Variants in SERPINB6 observed in about 807,000 individuals in gnomAD.
The protein encoded by SERPINB6 is serpin family B member 6, also known as serpin B6.
SERPINB6 carries 16 observed loss-of-function variants against 26.1 expected under a neutral mutation model. The observed-to-expected ratio is 0.61, with a 90% CI of 0.42 to 0.93. The LOEUF (loss-of-function observed/expected upper bound fraction) is 0.93, where lower values mean the gene tolerates loss of function less well. Among genes scored for constraint, SERPINB6 ranks in the 40% least tolerant of loss-of-function variants. SERPINB6 has a pLI of 0.00. For missense variants in SERPINB6, 420 were observed against 478.0 expected (o/e 0.88, Z 1.13); for synonymous variants, 174 against 176.6 (o/e 0.99, Z 0.11).
intron 4 of SERPINB6, among the ~76,000 whole-genome samples, chr6:2,953,872 A>T (rs150560137): frequency 6.6e-6 from 1 of 152,182 alleles, no homozygotes; most frequent in African/African-American, 2.4e-5. Flanking sequence ...CTACTAAAAA[A>T]TACAAAAATT....
In SERPINB6 at chr6:2,948,296, C is replaced by A; in HGVS notation, c.*2G>T. 6.2e-7 allele frequency: 1 copy of A among 1,613,362 alleles called. No individual in the cohort carries two copies. Among genetic ancestry groups the A allele is most frequent in the Non-Finnish European group, 8.5e-7 (1 of 1,179,964 alleles). ...GGGCTGCACACCAAGACTGCCCTGTCCTCACGGAGAGGAAAAGCGGCCGCA... is the reference window on the plus strand; with the variant it reads ...GGGCTGCACACCAAGACTGCCCTGTACTCACGGAGAGGAAAAGCGGCCGCA... On this transcript the variant is annotated 3_prime_UTR_variant, in exon 7 of 7. Transcript: ENST00000380539. This position sits in a 1 kb window ranked among gnomAD's most constrained non-coding sequence, Gnocchi z 5.0.
Position 2,948,730 on chromosome 6 carries a change from C to T in SERPINB6, c.730-31G>A. 1.2e-6 allele frequency: 2 copies of T among 1,609,532 alleles called. No individual in the cohort carries two copies. Among genetic ancestry groups the T allele is most frequent in the Non-Finnish European group, 1.7e-6 (2 of 1,176,042 alleles). On this transcript the variant is annotated intron_variant, in intron 6 of 6. Coordinates refer to ENST00000380539, the MANE Select transcript of SERPINB6 (RefSeq NM_004568.6). This position sits in a 1 kb window ranked among gnomAD's most constrained non-coding sequence, Gnocchi z 5.0. ...GGGAGACAGTTGAAGACTTTAAGACCCAGGGTGCTGCTGCCCAGCAGGGCC... is the reference window on the plus strand; with the variant it reads ...GGGAGACAGTTGAAGACTTTAAGACTCAGGGTGCTGCTGCCCAGCAGGGCC...
chr6:2,967,151 C>T lies in SERPINB6; in HGVS notation c.-11+4382G>A, dbSNP rs370489132. ...CACCCCAAAGGTGACCAGTGCAGAG[C>T]TCCAGCCACCCAGACTCCTCGAGTT... On this transcript the variant is annotated intron_variant, in intron 1 of 6. Coordinates refer to ENST00000380539, the MANE Select transcript of SERPINB6 (RefSeq NM_004568.6). This position sits in a 1 kb window ranked among gnomAD's most constrained non-coding sequence, Gnocchi z 4.3. 1 of 985,328 alleles carries T rather than the reference C, an allele frequency of 1.0e-6. No individual in the cohort carries two copies. Among genetic ancestry groups the T allele is most frequent in the Non-Finnish European group, 1.2e-6 (1 of 829,854 alleles). The allele number at this position is 985,328 out of a possible 1,614,324, so 61.0% of individuals were successfully genotyped here. A position where few individuals can be genotyped will look rare whatever the true frequency, so the allele number is the denominator to read the frequency against.
Position 2,954,368 on chromosome 6 carries a change from C to T in SERPINB6, c.430+224G>A, listed in dbSNP as rs2295768. On this transcript the variant is annotated intron_variant, in intron 4 of 6. Coordinates refer to ENST00000380539, the MANE Select transcript of SERPINB6 (RefSeq NM_004568.6). ...GTATACCAAACACTGAAAGGCATCA[C>T]GGGTACACCAAGGAAACAGGGAGAA... Among the ~76,000 whole-genome samples the T allele has an allele frequency of 0.25, 37,817 of 152,102 alleles. 5,610 individuals carry two copies. Among genetic ancestry groups the T allele is most frequent in the Non-Finnish European group, 0.33 (22,689 of 67,970 alleles).
intron 1 of SERPINB6, chr6:2,969,535 A>G (rs1771937492): frequency 1.0e-5 from 10 of 985,278 alleles, no homozygotes; most frequent in Non-Finnish European, 1.2e-5. Context: ...TAACAAATCT[A>G]TCCTGGCATC....
rs1225064036 is a variant in SERPINB6, at chr6:2,955,642, C to T, written c.194G>A (p.Gly65Asp). Residue 65 changes from glycine to aspartate, a missense_variant, in exon 3 of 7, where the codon GGT becomes GAT. Gly to Asp is a moderately conservative substitution (Grantham distance 94, BLOSUM62 -1). Coordinates refer to ENST00000380539, the MANE Select transcript of SERPINB6 (RefSeq NM_004568.6). ...CTGGAAGCCCTGGTGGATGTCTCCA[C>T]CACCGCCACTTTTATTGAAAGAAAG... The part of the protein sequence containing the change: ...QILSFNKSGG[G>D]GDIHQGFQSL... 5.0e-6 allele frequency: 8 copies of T among 1,614,102 alleles called. No individual in the cohort carries two copies. Among genetic ancestry groups the T allele is most frequent in the Admixed American group, 1.7e-5 (1 of 60,010 alleles).
intron 1 of SERPINB6, chr6:2,963,271 A>G (rs76162551): frequency 6.6e-6 from 1 of 152,360 alleles, no homozygotes; most frequent in African/African-American, 2.4e-5. Context: ...TCAGAAAAAA[A>G]TATCACTTTT....
chr6:2,968,964 A>G, intron 1 of SERPINB6: 1 of 1,222,008 alleles, frequency 8.2e-7, no homozygotes, highest in Non-Finnish European at 1.0e-6. Context: ...CTTCTACTGG[A>G]TCTGTAATCC....
At chr6:2,952,674 T>G (rs1316547568) in intron 5 of SERPINB6, among the ~76,000 whole-genome samples, 2 of 152,246 alleles carry the variant, frequency 1.3e-5, no homozygotes, top group Non-Finnish European at 1.5e-5. Context: ...GTTCCGCTCC[T>G]GCAGTGTGGC....
Position 2,948,580 on chromosome 6 carries a change from C to G in SERPINB6, c.849G>C (p.Glu283Asp). Residue 283 changes from glutamate (E) to aspartate (D), a missense_variant, in exon 7 of 7, where the codon GAG becomes GAC. Transcript: ENST00000380539. The surrounding 1 kb of genome is among the most constrained non-coding windows in gnomAD (Gnocchi z 5.0). ...RFKLEESYDM[E>D]SVLRNLGMTD... ...TCATGCCCAGGTTGCGCAGGACACT[C>G]TCCATGTCGTAGCTTTCCTCTAGTT... The G allele has an allele frequency of 6.2e-7, 1 of 1,614,226 alleles. No individual in the cohort carries two copies.
chr6:2,959,473 T>G lies in SERPINB6; in HGVS notation c.-10-131A>C, dbSNP rs111259863. 522 of 894,852 alleles carry G rather than the reference T, an allele frequency of 5.8e-4. 2 individuals carry two copies. In the African/African-American group the frequency reaches 6.4e-3, roughly 11 times the overall value. The allele number at this position is 894,852 out of a possible 1,614,324, so 55.4% of individuals were successfully genotyped here. ...GCAGAAACACACACAGAACTCTGGCTGTTTCTTTTTAGGACCCTCCACATT... is the reference window on the plus strand; with the variant it reads ...GCAGAAACACACACAGAACTCTGGCGGTTTCTTTTTAGGACCCTCCACATT... On this transcript the variant is annotated intron_variant, in intron 1 of 6. Transcript: ENST00000380539.
At chr6:2,959,047 C>T (rs1055898210) in intron 2 of SERPINB6, 121 bp downstream of exon 2, 4 of 1,330,922 alleles carry the variant, frequency 3.0e-6, no homozygotes, top group Non-Finnish European at 4.2e-6. Flanking sequence ...CCTGTAAACT[C>T]GCCACCCACA....
chr6:2,962,238 G>A (rs926267232), intron 1 of SERPINB6: 7 of 984,430 alleles, frequency 7.1e-6, no homozygotes, highest in African/African-American at 5.2e-5. Flanking sequence ...AGGAGAAGTC[G>A]GTGCACATGA....
intron 1 of SERPINB6, chr6:2,960,391 G>A (rs1770962667): frequency 7.0e-6 from 1 of 142,192 alleles, no homozygotes; most frequent in South Asian, 2.3e-4. Context: ...GCAGAATCAG[G>A]TGAGAGGACA....
intron 1 of SERPINB6, chr6:2,970,456 C>T (rs1021806758): frequency 8.2e-6 from 9 of 1,093,212 alleles, no homozygotes; most frequent in Middle Eastern, 3.9e-4. Flanking sequence ...AATCCCAGCA[C>T]ACATAAAAGC....
intron 1 of SERPINB6, chr6:2,969,659 ACTT>A: frequency 1.0e-6 from 1 of 985,294 alleles, no homozygotes; most frequent in Non-Finnish European, 1.2e-6. Context: ...GTGCTTCTCA[ACTT>A]CTATTAAGGA....
At chr6:2,962,302 C>A (rs1325920745) in intron 1 of SERPINB6, 4 of 798,198 alleles carry the variant, frequency 5.0e-6, no homozygotes, top group African/African-American at 1.9e-5. Flanking sequence ...GAAACCAAAG[C>A]AGGATATTCG....
At chr6:2,949,290 C>T (rs184554621) in intron 5 of SERPINB6, among the ~76,000 whole-genome samples, 158 of 152,334 alleles carry the variant, frequency 1.0e-3, no homozygotes, top group African/African-American at 2.7e-3. Context: ...TCTCATTGAT[C>T]GCATTCAGTC....
intron 5 of SERPINB6, among the ~76,000 whole-genome samples, chr6:2,952,337 C>T (rs753869258): frequency 2.6e-4 from 40 of 152,308 alleles, no homozygotes; most frequent in Middle Eastern, 6.8e-3. Context: ...CAAGAATACA[C>T]TGTAATTAAT....
Sources: gnomAD v4.1 joint callset for allele counts (sites outside exome capture counted in the v4.1 genomes callset) on GRCh38, gnomAD v4.1.1 for gene constraint, Gnocchi (gnomAD v3.1) non-coding constraint, MANE v1.5 for transcripts, NCBI Gene and HGNC (gene_info 2026-07-23, HGNC 2026-07-21) for gene names.